The following LRRC8C variants were observed in gnomAD, a reference collection of about 807,000 sequenced individuals.
The protein encoded by LRRC8C is volume-regulated anion channel subunit LRRC8C.
Under a neutral mutation model 55.3 loss-of-function variants are expected in LRRC8C, and 20 were observed. That is an observed-to-expected ratio of 0.36 (90% CI 0.25 to 0.53). The LOEUF (loss-of-function observed/expected upper bound fraction) is 0.53. Ranked by LOEUF, LRRC8C falls within the 20% of genes least tolerant of loss-of-function variation. The probability of loss-of-function intolerance (pLI) is 0.92; values close to 1 mark genes in which losing one functional copy is unlikely to be tolerated. For synonymous variants in LRRC8C, 376 were observed against 360.7 expected (o/e 1.04, Z -0.48); for missense variants, 659 against 951.4 (o/e 0.69, Z 4.04).
chr1:89,652,800 A>G lies in LRRC8C; in HGVS notation c.-5+19478A>G, dbSNP rs1255186831. 2.0e-5 allele frequency among the ~76,000 whole-genome samples: 3 copies of G among 152,134 alleles called. No homozygotes were observed. The East Asian group carries it at 5.8e-4, about 29-fold the overall frequency. On this transcript the variant is annotated intron_variant, in intron 1 of 2. Transcript: ENST00000370454. Reference sequence around the variant, plus strand: ...AGTTACGGGGTCGCAGTATCACAGGAGAAGGGGGAATCGTTGCAATATATA... The same window carrying G: ...AGTTACGGGGTCGCAGTATCACAGGGGAAGGGGGAATCGTTGCAATATATA...
chr1:89,708,811 T>C (rs1570742598), intron 2 of LRRC8C, among the ~76,000 whole-genome samples: 1 of 152,206 alleles, frequency 6.6e-6, no homozygotes, highest in South Asian at 2.1e-4. Flanking sequence ...CTATTTATTT[T>C]TGTAGTCCTG....
Position 89,654,768 on chromosome 1 carries a change from C to T in LRRC8C, c.-5+21446C>T, listed in dbSNP as rs191431837. On this transcript the variant is annotated intron_variant, in intron 1 of 2. Transcript: ENST00000370454. ...TTCTTTGTATGCACCCTTTTACCCT[C>T]TCTATTTGCTGCCTCCTCCAAGCTT... 4.4e-3 allele frequency among the ~76,000 whole-genome samples: 674 copies of T among 152,124 alleles called. 5 individuals carry two copies. Among genetic ancestry groups the T allele is most frequent in the Non-Finnish European group, 4.8e-3 (329 of 68,016 alleles).
At chr1:89,690,021 G>C (rs1657986609) in intron 2 of LRRC8C, among the ~76,000 whole-genome samples, 1 of 152,100 alleles carries the variant, frequency 6.6e-6, no homozygotes, top group Admixed American at 6.5e-5. Flanking sequence ...AAACATGTTA[G>C]GTTTGTGATA....
intron 1 of LRRC8C, among the ~76,000 whole-genome samples, chr1:89,666,508 A>G (rs751835902): frequency 3.9e-5 from 6 of 152,078 alleles, no homozygotes; most frequent in African/African-American, 7.2e-5. Flanking sequence ...CCAACTCTCT[A>G]AATAAGATAG....
rs971152556 is a variant in LRRC8C at position 89,705,418 on chromosome 1, T to TATA, written c.139-7277_139-7275dup. Reference sequence around the variant, plus strand: ...TGCACATGTACCCTAAAACTTAAAGTATAATAATAATAATAAAGAAATTTA... The same window carrying TATA: ...TGCACATGTACCCTAAAACTTAAAGTATAATAATAATAATAATAAAGAAATTTA... On this transcript the variant is annotated intron_variant, in intron 2 of 2. Transcript: ENST00000370454. Among the ~76,000 whole-genome samples the TATA allele has an allele frequency of 2.3e-4, 35 of 150,448 alleles. 1 individual carries two copies. Among genetic ancestry groups the TATA allele is most frequent in the Non-Finnish European group, 4.1e-4 (28 of 67,712 alleles).
At chr1:89,669,363 A>G (rs1248696829) in intron 1 of LRRC8C, among the ~76,000 whole-genome samples, 2 of 152,210 alleles carry the variant, frequency 1.3e-5, no homozygotes, top group African/African-American at 4.8e-5. Context: ...GATCTGCTGT[A>G]CAACATTGTA....
At chr1:89,638,998 T>TTATTTTATTTTATTTTA (rs1656379332) in intron 1 of LRRC8C, among the ~76,000 whole-genome samples, 1 of 151,564 alleles carries the variant, frequency 6.6e-6, no homozygotes. Flanking sequence ...TTATTTTATT[T>TTATTTTATTTTATTTTA]GAGACAGAGT....
chr1:89,686,313 T>G (rs1341700169), intron 1 of LRRC8C, among the ~76,000 whole-genome samples, 157 bp from the exon 2 acceptor site: 1 of 152,206 alleles, frequency 6.6e-6, no homozygotes, highest in Non-Finnish European at 1.5e-5. Flanking sequence ...CCTCAACTGG[T>G]GATTTTATTC....
At chr1:89,636,115 T>G (rs553450175) in intron 1 of LRRC8C, among the ~76,000 whole-genome samples, 2 of 152,330 alleles carry the variant, frequency 1.3e-5, no homozygotes, top group East Asian at 3.9e-4. Context: ...TTCAACTTCT[T>G]TGAACCCTGG....
chr1:89,679,840 A>G (rs966285067), intron 1 of LRRC8C, among the ~76,000 whole-genome samples: 5 of 152,160 alleles, frequency 3.3e-5, no homozygotes, highest in Admixed American at 6.5e-5. Context: ...ACAAATGTTA[A>G]CTCTACCCAC....
intron 1 of LRRC8C, among the ~76,000 whole-genome samples, chr1:89,664,701 T>C (rs1657209625): frequency 6.6e-6 from 1 of 152,180 alleles, no homozygotes; most frequent in South Asian, 2.1e-4. Context: ...AGCTTGACAG[T>C]GATAGCATTG....
chr1:89,623,179 CACAT>C, the LRRC8C span, among the ~76,000 whole-genome samples: 28 of 142,466 alleles, frequency 2.0e-4, no homozygotes, highest in African/African-American at 7.3e-4. Context: ...CACACACACA[CACAT>C]GCGCACACAC....
chr1:89,693,290 T>C (rs960621403), intron 2 of LRRC8C, among the ~76,000 whole-genome samples: 1 of 152,228 alleles, frequency 6.6e-6, no homozygotes, highest in African/African-American at 2.4e-5. Flanking sequence ...GAGCCATCAA[T>C]GTCAGCTCCA....
At chr1:89,670,353 A>C (rs1325588921) in intron 1 of LRRC8C, among the ~76,000 whole-genome samples, 3 of 152,170 alleles carry the variant, frequency 2.0e-5, no homozygotes, top group Non-Finnish European at 2.9e-5. Flanking sequence ...GGGCAACCCA[A>C]ATAATTTCAT....
At chr1:89,631,521 A>C (rs1656107475), upstream of LRRC8C, 1 of 152,132 alleles carries the variant, frequency 6.6e-6, no homozygotes, top group Admixed American at 6.5e-5. Flanking sequence ...AATTCAGGTA[A>C]GGTAAGAGAA....
intron 1 of LRRC8C, among the ~76,000 whole-genome samples, chr1:89,665,129 C>G (rs990179618): frequency 6.6e-6 from 1 of 152,172 alleles, no homozygotes; most frequent in Non-Finnish European, 1.5e-5. Context: ...ATTTCTTTCT[C>G]TTGCCTGATT....
the LRRC8C span, among the ~76,000 whole-genome samples, chr1:89,616,493 G>C: frequency 4.6e-5 from 7 of 152,224 alleles, no homozygotes; most frequent in Non-Finnish European, 1.0e-4. Flanking sequence ...TTGCCTGAAA[G>C]AGATAACATT....
At position 89,664,767 on chromosome 1, in the gene LRRC8C, A is replaced by G. The variant is rs368630089; in HGVS notation, c.-4-21703A>G. On this transcript the variant is annotated intron_variant, in intron 1 of 2. Transcript: ENST00000370454. ...CATTTTCACGATATTGATTCTTTCT[A>G]TCCATGAGCATGGAATGTTTTTCCA... Among the ~76,000 whole-genome samples the G allele has an allele frequency of 3.7e-4, 56 of 152,310 alleles. 1 individual carries two copies. The East Asian group carries it at 8.3e-3, about 23-fold the overall frequency.
chr1:89,648,651 T>C (rs914922491), intron 1 of LRRC8C, among the ~76,000 whole-genome samples: 1 of 152,216 alleles, frequency 6.6e-6, no homozygotes, highest in Non-Finnish European at 1.5e-5. Flanking sequence ...GCTTTTATCA[T>C]AATTATAGAA....
Sources: gnomAD v4.1 joint callset for allele counts (sites outside exome capture counted in the v4.1 genomes callset) on GRCh38, gnomAD v4.1.1 for gene constraint, MANE v1.5 for transcripts, NCBI Gene and HGNC (gene_info 2026-07-23, HGNC 2026-07-21) for gene names.